SLC4A4: variants seen among roughly 807,000 people sequenced by gnomAD.
The protein encoded by SLC4A4 is electrogenic sodium bicarbonate cotransporter 1.
SLC4A4 carries 27 observed loss-of-function variants against 111.5 expected under a neutral mutation model. The observed-to-expected ratio is 0.24, with a 90% CI of 0.18 to 0.33. The LOEUF is 0.33. Ranked by LOEUF, SLC4A4 falls within the 10% of genes least tolerant of loss-of-function variation. SLC4A4 has a pLI of 1.00. For synonymous variants in SLC4A4, 443 were observed against 463.4 expected, an observed-to-expected ratio of 0.96 and a Z score of 0.57; for missense variants, 909 against 1,315.5, an observed-to-expected ratio of 0.69 and a Z score of 4.78.
intron 20 of SLC4A4, among the ~76,000 whole-genome samples, chr4:71,551,381 G>A (rs966070946): frequency 3.5e-4 from 53 of 151,770 alleles, no homozygotes; most frequent in African/African-American, 1.2e-3. Context: ...TCAGTGCCAG[G>A]GAAAGCAAAA....
At chr4:71,192,650 C>T (rs1745783652) in intron 1 of SLC4A4, among the ~76,000 whole-genome samples, 1 of 152,116 alleles carries the variant, frequency 6.6e-6, no homozygotes, top group Non-Finnish European at 1.5e-5. Context: ...CCCCCACTTT[C>T]TCAGCTCTTC....
intron 3 of SLC4A4, among the ~76,000 whole-genome samples, chr4:71,289,527 A>G (rs773563760): frequency 2.7e-4 from 41 of 152,248 alleles, no homozygotes; most frequent in Non-Finnish European, 4.8e-4. Flanking sequence ...CAGAGAGAGA[A>G]CGTGTACATC....
At chr4:71,526,147 C>T (rs1733398241) in intron 16 of SLC4A4, among the ~76,000 whole-genome samples, 1 of 151,930 alleles carries the variant, frequency 6.6e-6, no homozygotes, top group African/African-American at 2.4e-5. Flanking sequence ...AAAATAGCAC[C>T]CCTACCTGTC....
At chr4:71,300,731 T>C (rs937518075) in intron 3 of SLC4A4, 1 of 371,944 alleles carries the variant, frequency 2.7e-6, no homozygotes, top group Non-Finnish European at 5.4e-6. Flanking sequence ...GGAGGGGGCC[T>C]GGGAAGGGTG....
chr4:71,145,322 T>C (rs1744132048), intron 2 of SLC4A4, among the ~76,000 whole-genome samples: 1 of 152,182 alleles, frequency 6.6e-6, no homozygotes, highest in African/African-American at 2.4e-5. Flanking sequence ...GGATAAGCTT[T>C]TTGATGTGTT....
rs569610484 is a variant in SLC4A4, at chr4:71,128,687, CTA to C, written c.-2+35897_-2+35898del. Among the ~76,000 whole-genome samples the C allele has an allele frequency of 9.9e-5, 15 of 152,196 alleles. No homozygotes were observed. In the East Asian group the frequency reaches 2.9e-3, roughly 29 times the overall value. ...TATTTTTAGTAGAGATGGGGTTTTG[CTA>C]TGTTGGCCAGGCTGGTCTCAAGCTC... is the stretch of plus-strand genomic sequence containing the variant. On this transcript the variant is annotated intron_variant, in intron 2 of 26. Coordinates refer to the SLC4A4 transcript ENST00000649996.
intron 7 of SLC4A4, among the ~76,000 whole-genome samples, chr4:71,414,722 T>G (rs1380740536): frequency 6.6e-6 from 1 of 152,224 alleles, no homozygotes; most frequent in Non-Finnish European, 1.5e-5. Context: ...CTATTTATTT[T>G]GATTTCATAT....
intron 2 of SLC4A4, among the ~76,000 whole-genome samples, chr4:71,129,354 A>G (rs1743639206): frequency 6.6e-6 from 1 of 152,240 alleles, no homozygotes; most frequent in African/African-American, 2.4e-5. Flanking sequence ...ACCAACAAGT[A>G]TATGAAAAAA....
At chr4:71,192,269 A>G (rs1164557590) in intron 1 of SLC4A4, among the ~76,000 whole-genome samples, 1 of 152,000 alleles carries the variant, frequency 6.6e-6, no homozygotes, top group Admixed American at 6.6e-5. Flanking sequence ...TCTATTTGGA[A>G]CTCCTACATT....
In SLC4A4 at chr4:71,291,180, T is replaced by C. The variant is rs192030665; in HGVS notation, c.253+35781T>C. Among the ~76,000 whole-genome samples the C allele has an allele frequency of 1.4e-3, 219 of 152,316 alleles. 2 individuals are homozygous for C. The highest frequency in any genetic ancestry group is 5.1e-3 in the African/African-American group (212 of 41,578). ...AAATTTTAAAAGGCAAGAGACACTTTCTCATGACTGAAGAAGAGAAATTTG... is the reference window on the plus strand; with the variant it reads ...AAATTTTAAAAGGCAAGAGACACTTCCTCATGACTGAAGAAGAGAAATTTG... On this transcript the variant is annotated intron_variant, in intron 3 of 25. Transcript: ENST00000264485.
At chr4:71,475,928 C>A (rs1004767117) in intron 14 of SLC4A4, among the ~76,000 whole-genome samples, 5 of 151,740 alleles carry the variant, frequency 3.3e-5, no homozygotes, top group African/African-American at 1.2e-4. Flanking sequence ...AATAAACAGA[C>A]CTATCTTCAT....
chr4:71,424,198 C>T (rs1443914425), intron 7 of SLC4A4, among the ~76,000 whole-genome samples: 2 of 152,040 alleles, frequency 1.3e-5, no homozygotes, highest in African/African-American at 4.8e-5. Flanking sequence ...ACAGACACTT[C>T]TCAAAAGAAG....
chr4:71,478,411 T>C (rs1728563005), intron 14 of SLC4A4, among the ~76,000 whole-genome samples: 2 of 151,934 alleles, frequency 1.3e-5, no homozygotes, highest in African/African-American at 2.4e-5. Context: ...ATATGTACCA[T>C]GGAATACTAT....
At position 71,392,169 on chromosome 4, in the gene SLC4A4, T is replaced by C. The variant is rs184082635; in HGVS notation, c.731-5408T>C. ...GATAATCTCTTTTGGTCCTCATCTTTTTCTTCTTGGATTTGGGTGATATGT... is the reference window on the plus strand; with the variant it reads ...GATAATCTCTTTTGGTCCTCATCTTCTTCTTCTTGGATTTGGGTGATATGT... On this transcript the variant is annotated intron_variant, in intron 6 of 25. Coordinates refer to ENST00000264485, the MANE Select transcript of SLC4A4 (RefSeq NM_001098484.3). Among the ~76,000 whole-genome samples the C allele has an allele frequency of 1.4e-4, 21 of 152,204 alleles. No individual in the cohort carries two copies. In the East Asian group the frequency reaches 4.0e-3, roughly 29 times the overall value.
At chr4:71,215,464 C>T (rs1445874167) in intron 1 of SLC4A4, among the ~76,000 whole-genome samples, 1 of 152,194 alleles carries the variant, frequency 6.6e-6, no homozygotes. Flanking sequence ...ACTGATCCTC[C>T]AGGAAGGGTC....
intron 12 of SLC4A4, 75 bp from the exon 13 acceptor site, chr4:71,466,369 T>C (rs1727312723): frequency 1.3e-5 from 20 of 1,562,824 alleles, no homozygotes; most frequent in Non-Finnish European, 1.7e-5. Flanking sequence ...CACGTGGCTT[T>C]ATTTGCCTAG....
At chr4:71,505,669 T>A (rs916726230) in intron 16 of SLC4A4, among the ~76,000 whole-genome samples, 1 of 152,196 alleles carries the variant, frequency 6.6e-6, no homozygotes, top group Admixed American at 6.5e-5. Context: ...TCGTTTCTTT[T>A]GCTGGGCAGA....
chr4:71,360,233 G>T (rs944819329), intron 6 of SLC4A4, among the ~76,000 whole-genome samples: 6 of 152,094 alleles, frequency 3.9e-5, no homozygotes, highest in Admixed American at 2.6e-4. Context: ...GTGTGCCGTT[G>T]TGCATCTCTT....
intron 2 of SLC4A4, among the ~76,000 whole-genome samples, chr4:71,129,934 G>C (rs550747323): frequency 6.6e-6 from 1 of 151,964 alleles, no homozygotes; most frequent in Admixed American, 6.6e-5. Flanking sequence ...TAAACATTGC[G>C]TACACGTGGA....
Sources: gnomAD v4.1 joint callset for allele counts (sites outside exome capture counted in the v4.1 genomes callset) on GRCh38, gnomAD v4.1.1 for gene constraint, MANE v1.5 for transcripts, NCBI Gene and HGNC (gene_info 2026-07-23, HGNC 2026-07-21) for gene names.